The following FOXP2 variants were observed in gnomAD, a reference collection of about 807,000 sequenced individuals.
FOXP2 encodes forkhead box P2.
Under a neutral mutation model 115.8 loss-of-function variants are expected in FOXP2, and 12 were observed. The observed-to-expected ratio is 0.10, with a 90% CI of 0.07 to 0.17. The LOEUF is 0.17. Ranked by LOEUF, FOXP2 falls within the 10% of genes least tolerant of loss-of-function variation. The pLI is 1.00. For missense variants in FOXP2, 629 were observed against 843.5 expected, an observed-to-expected ratio of 0.75 and a Z score of 3.15; for synonymous variants, 328 against 297.7, an observed-to-expected ratio of 1.10 and a Z score of -1.05.
chr7:114,330,667 C>CT (rs1797685816), intron 2 of FOXP2, among the ~76,000 whole-genome samples: 1 of 151,788 alleles, frequency 6.6e-6, no homozygotes, highest in Non-Finnish European at 1.5e-5. Context: ...CATAAAGTAA[C>CT]TTGTAAGAAG....
At chr7:114,344,497 C>CT (rs1791292809) in intron 2 of FOXP2, among the ~76,000 whole-genome samples, 1 of 151,760 alleles carries the variant, frequency 6.6e-6, no homozygotes, top group South Asian at 2.1e-4. Flanking sequence ...TATTAGGGCA[C>CT]TGTGGACTAT....
intron 6 of FOXP2, among the ~76,000 whole-genome samples, chr7:114,639,192 T>C (rs1805391836): frequency 6.6e-6 from 1 of 152,180 alleles, no homozygotes; most frequent in Admixed American, 6.5e-5. Context: ...CCACTCAATC[T>C]ATGTTAGAAG....
chr7:114,463,099 A>T (rs1403227640), intron 2 of FOXP2: 2 of 424,296 alleles, frequency 4.7e-6, no homozygotes, highest in Non-Finnish European at 9.4e-6. Flanking sequence ...TGCAATCATA[A>T]CTCACTGCAA....
At chr7:114,511,435 A>G (rs998621685) in intron 2 of FOXP2, among the ~76,000 whole-genome samples, 5 of 152,196 alleles carry the variant, frequency 3.3e-5, no homozygotes, top group Admixed American at 1.3e-4. Context: ...CAATGAAAAA[A>G]GAAAGGAATC....
At chr7:114,469,280 C>CT (rs1795941497) in intron 2 of FOXP2, among the ~76,000 whole-genome samples, 1 of 152,130 alleles carries the variant, frequency 6.6e-6, no homozygotes, top group Admixed American at 6.5e-5. Flanking sequence ...CTCAGTCACA[C>CT]AATATCCTAT....
intron 2 of FOXP2, among the ~76,000 whole-genome samples, chr7:114,376,451 C>G (rs901931304): frequency 6.6e-6 from 1 of 152,210 alleles, no homozygotes; most frequent in African/African-American, 2.4e-5. Context: ...GAATTCAGCA[C>G]AGTGTCTGGG....
At chr7:114,462,530 C>A (rs1200100687) in intron 2 of FOXP2, among the ~76,000 whole-genome samples, 1 of 151,716 alleles carries the variant, frequency 6.6e-6, no homozygotes, top group Non-Finnish European at 1.5e-5. Flanking sequence ...TGCCACCACG[C>A]CCTGCTAATT....
At chr7:114,404,131 G>A (rs984355234) in intron 2 of FOXP2, among the ~76,000 whole-genome samples, 4 of 152,150 alleles carry the variant, frequency 2.6e-5, no homozygotes, top group Non-Finnish European at 4.4e-5. Flanking sequence ...ATTGGGATGA[G>A]TGGGTTGGGG....
intron 2 of FOXP2, among the ~76,000 whole-genome samples, chr7:114,441,043 C>T (rs1285014596): frequency 1.3e-5 from 2 of 152,100 alleles, no homozygotes; most frequent in Non-Finnish European, 2.9e-5. Context: ...CTAAAAATAT[C>T]ATATATAATT....
intron 16 of FOXP2, among the ~76,000 whole-genome samples, chr7:114,678,588 C>G (rs1314743555): frequency 1.8e-5 from 2 of 109,834 alleles, no homozygotes; most frequent in Non-Finnish European, 3.5e-5. Flanking sequence ...GAGAAACTAG[C>G]AACACTTTAT....
chr7:114,281,662 A>G (rs1280560334), intron 1 of FOXP2, among the ~76,000 whole-genome samples: 1 of 152,190 alleles, frequency 6.6e-6, no homozygotes, highest in Non-Finnish European at 1.5e-5. Flanking sequence ...AATAAAATAT[A>G]TATATTTAAG....
intron 2 of FOXP2, among the ~76,000 whole-genome samples, chr7:114,479,770 A>T (rs766242083): frequency 4.6e-5 from 7 of 151,634 alleles, no homozygotes; most frequent in Non-Finnish European, 1.0e-4. Context: ...GTAAATTTTT[A>T]TTGGAATATC....
At chr7:114,307,227 G>A (rs1196800461) in intron 2 of FOXP2, among the ~76,000 whole-genome samples, 2 of 151,966 alleles carry the variant, frequency 1.3e-5, no homozygotes, top group South Asian at 2.1e-4. Flanking sequence ...GTCTCATAAA[G>A]CATTTAACTA....
chr7:114,685,496 C>T (rs1357339223), intron 16 of FOXP2, among the ~76,000 whole-genome samples: 2 of 152,100 alleles, frequency 1.3e-5, no homozygotes, highest in Non-Finnish European at 2.9e-5. Context: ...ACAAACTCTT[C>T]TTGGCTTTTT....
At chr7:114,204,555 C>T (rs1041549086) in intron 1 of FOXP2, among the ~76,000 whole-genome samples, 2 of 152,070 alleles carry the variant, frequency 1.3e-5, no homozygotes, top group African/African-American at 2.4e-5. Flanking sequence ...TCCCCTTCCC[C>T]GTTTTTCACA....
chr7:114,180,029 G>C (rs989242932), intron 1 of FOXP2, among the ~76,000 whole-genome samples: 1 of 151,918 alleles, frequency 6.6e-6, no homozygotes, highest in Non-Finnish European at 1.5e-5. Context: ...AAAACTTTGA[G>C]GATCCATGCT....
At chr7:114,512,889 C>T (rs1798144569) in intron 2 of FOXP2, among the ~76,000 whole-genome samples, 1 of 152,076 alleles carries the variant, frequency 6.6e-6, no homozygotes, top group Non-Finnish European at 1.5e-5. Context: ...CGATACCATC[C>T]TGGCAAACAT....
intron 3 of FOXP2, among the ~76,000 whole-genome samples, chr7:114,591,239 C>A (rs1317407160): frequency 6.6e-6 from 1 of 152,112 alleles, no homozygotes; most frequent in Non-Finnish European, 1.5e-5. Context: ...TTATCTAACT[C>A]ATTAAGTAAA....
At position 114,391,378 on chromosome 7, in the gene FOXP2, A is replaced by AT. The variant is rs1400660305; in HGVS notation, c.-10-35118dup. On this transcript the variant is annotated intron_variant, in intron 2 of 17. Transcript: ENST00000634411. ...GGTGAGTTAAGATTCCTGGTTTAAA[A>AT]TTTTTTCTAAGTATTTTACTCAAGA... Among the ~76,000 whole-genome samples, 3 of 152,230 alleles carry AT rather than the reference A, an allele frequency of 2.0e-5. No homozygotes were observed. In the East Asian group the frequency reaches 5.8e-4, roughly 29 times the overall value.
Sources: allele counts gnomAD v4.1 joint callset (sites outside exome capture counted in the v4.1 genomes callset), GRCh38; gene constraint gnomAD v4.1.1; transcripts MANE v1.5; gene names NCBI Gene and HGNC (gene_info 2026-07-23, HGNC 2026-07-21).